Variants in ANKRD29 observed in about 807,000 individuals in gnomAD.
ANKRD29 encodes ankyrin repeat domain 29.
ANKRD29 carries 32 observed loss-of-function variants against 38.0 expected under a neutral mutation model. The ratio of observed to expected loss-of-function variants is 0.84; its 90% CI spans 0.64 to 1.13. ANKRD29 has a LOEUF of 1.13. ANKRD29 is among the 50% of genes most tolerant of loss of function. The pLI, the probability that ANKRD29 is intolerant of heterozygous loss-of-function variation, is 0.00. For synonymous variants in ANKRD29, 135 were observed against 152.4 expected (o/e 0.89, Z 0.84); for missense variants, 357 against 377.9 (o/e 0.94, Z 0.46).
intron 3 of ANKRD29, among the ~76,000 whole-genome samples, chr18:23,644,426 T>C (rs1252715323): frequency 6.6e-6 from 1 of 152,246 alleles, no homozygotes; most frequent in Non-Finnish European, 1.5e-5. Context: ...AATTTTAAAC[T>C]GTAATTCTAA....
chr18:23,658,048 T>TC lies in ANKRD29; in HGVS notation c.21+4661dup, dbSNP rs531972847. ...CCTGTCATTCCTTTCTTCCAATTTC[T>TC]CCCTTTTGGGGTGGAAACATGTATA... On this transcript the variant is annotated intron_variant, in intron 1 of 9. Coordinates refer to ENST00000592179, the MANE Select transcript of ANKRD29 (RefSeq NM_173505.4). 3.3e-4 allele frequency among the ~76,000 whole-genome samples: 50 copies of TC among 152,312 alleles called. No individual in the cohort carries two copies. In the South Asian group the frequency reaches 9.3e-3, roughly 28 times the overall value.
intron 6 of ANKRD29, among the ~76,000 whole-genome samples, chr18:23,622,020 G>C (rs2059802946): frequency 1.3e-5 from 2 of 152,022 alleles, no homozygotes; most frequent in Admixed American, 1.3e-4. Context: ...CTGGAGAAGA[G>C]ACATGGAGGT....
chr18:23,662,622 ATCC>A, intron 1 of ANKRD29, 85 bp downstream of exon 1: 1 of 65,714 alleles, frequency 1.5e-5, no homozygotes, highest in Non-Finnish European at 2.8e-5. Context: ...CGCCCACCCC[ATCC>A]CACCCCATCC....
chr18:23,630,381 G>A (rs890995155), intron 5 of ANKRD29, among the ~76,000 whole-genome samples: 2 of 152,146 alleles, frequency 1.3e-5, no homozygotes, highest in African/African-American at 2.4e-5. Context: ...AGCTGAGATC[G>A]CGCCACTTCA....
chr18:23,659,419 T>C (rs1033043969), intron 1 of ANKRD29, among the ~76,000 whole-genome samples: 27 of 152,242 alleles, frequency 1.8e-4, no homozygotes, highest in Non-Finnish European at 3.2e-4. Flanking sequence ...TTCCTAGTAG[T>C]GAAATTGCTG....
chr18:23,619,256 A>G, intron 7 of ANKRD29: 1 of 409,244 alleles, frequency 2.4e-6, no homozygotes, highest in Non-Finnish European at 4.4e-6. Flanking sequence ...CCCCCAGGAC[A>G]GGCGGGAGGC....
At chr18:23,656,267 T>TAC (rs2060282704) in intron 1 of ANKRD29, among the ~76,000 whole-genome samples, 1 of 151,914 alleles carries the variant, frequency 6.6e-6, no homozygotes, top group Admixed American at 6.6e-5. Context: ...AAAGGAGTCA[T>TAC]GTAGCTCAGA....
intron 2 of ANKRD29, 144 bp downstream of exon 2, chr18:23,648,939 C>T (rs539931287): frequency 8.7e-6 from 6 of 686,514 alleles, no homozygotes; most frequent in African/African-American, 1.8e-5. Flanking sequence ...CACCACAGTA[C>T]CTTGGATGTT....
chr18:23,604,520 C>T (rs548246352), intron 9 of ANKRD29, among the ~76,000 whole-genome samples: 76 of 152,124 alleles, frequency 5.0e-4, no homozygotes, highest in Middle Eastern at 3.4e-3. Context: ...GCCTGCTCAC[C>T]GCCCAACAGG....
intron 9 of ANKRD29, 25 bp from the exon 10 acceptor site, chr18:23,601,334 A>G (rs919774650): frequency 1.3e-6 from 2 of 1,597,072 alleles, no homozygotes; most frequent in African/African-American, 2.7e-5. Flanking sequence ...GATGGGCATT[A>G]GTGAATCCCC....
chr18:23,608,138 T>G (rs543175537), intron 9 of ANKRD29, among the ~76,000 whole-genome samples: 1 of 152,238 alleles, frequency 6.6e-6, no homozygotes, highest in Non-Finnish European at 1.5e-5. Flanking sequence ...TATTCCCCAC[T>G]AAACTCTGAG....
chr18:23,607,220 A>C (rs1806571525), intron 9 of ANKRD29, among the ~76,000 whole-genome samples: 1 of 152,158 alleles, frequency 6.6e-6, no homozygotes, highest in Non-Finnish European at 1.5e-5. Context: ...TCACAGAGGA[A>C]ATTATTATGC....
intron 1 of ANKRD29, among the ~76,000 whole-genome samples, chr18:23,651,517 G>T (rs1358430919): frequency 6.6e-6 from 1 of 152,202 alleles, no homozygotes; most frequent in Non-Finnish European, 1.5e-5. Context: ...GTCTGGTAGG[G>T]TGAATCAGGC....
rs555320990 is a variant in ANKRD29 at position 23,638,940 on chromosome 18, G to A, written c.239C>T (p.Thr80Ile). 7.5e-6 allele frequency: 12 copies of A among 1,605,892 alleles called. No homozygotes were observed. In the South Asian group the frequency reaches 1.3e-4, roughly 18 times the overall value. Residue 80 changes from threonine (T) to isoleucine (I), a missense_variant, in exon 4 of 10, where the codon ACA (threonine) becomes ATA (isoleucine). Transcript: ENST00000592179. ...CTGGGCGGCAAAGAATAGGGCAGTTGTACCTGACTGGGAGAGAGGGAGAGG... is the reference window on the plus strand; with the variant it reads ...CTGGGCGGCAAAGAATAGGGCAGTTATACCTGACTGGGAGAGAGGGAGAGG... ...ADINLQRESG[T>I]TALFFAAQQG...
intron 6 of ANKRD29, among the ~76,000 whole-genome samples, chr18:23,623,563 T>C (rs894192573): frequency 6.6e-6 from 1 of 151,678 alleles, no homozygotes; most frequent in African/African-American, 2.4e-5. Flanking sequence ...GGCGGGAGGA[T>C]GGCTTGAGCC....
chr18:23,650,787 T>G lies in ANKRD29; in HGVS notation c.22-1594A>C, dbSNP rs112787601. Among the ~76,000 whole-genome samples the G allele has an allele frequency of 6.3e-3, 961 of 152,320 alleles. 14 individuals carry two copies. Among genetic ancestry groups the G allele is most frequent in the African/African-American group, 0.022 (927 of 41,570 alleles). ...CAACACACCATAAATGCTGATTAAG[T>G]GCCAGTTTCCTTTCCTCTATTTACT... On this transcript the variant is annotated intron_variant, in intron 1 of 9. Coordinates refer to ENST00000592179, the MANE Select transcript of ANKRD29 (RefSeq NM_173505.4).
intron 3 of ANKRD29, among the ~76,000 whole-genome samples, chr18:23,640,901 A>AGCCTG (rs1203793548): frequency 1.3e-5 from 2 of 152,206 alleles, no homozygotes; most frequent in Non-Finnish European, 2.9e-5. Context: ...AGCTGAGGAC[A>AGCCTG]GCCTGGCCTA....
intron 9 of ANKRD29, among the ~76,000 whole-genome samples, chr18:23,610,229 G>A (rs1227420327): frequency 6.6e-6 from 1 of 152,206 alleles, no homozygotes; most frequent in East Asian, 1.9e-4. Context: ...TGTAATCCCA[G>A]CACTTTGGGA....
chr18:23,632,067 G>A (rs997909385), intron 5 of ANKRD29, among the ~76,000 whole-genome samples: 4 of 152,192 alleles, frequency 2.6e-5, no homozygotes, highest in Non-Finnish European at 5.9e-5. Context: ...GAGGGTCCTG[G>A]ATTTTCAGTG....
Sources: allele counts gnomAD v4.1 joint callset (sites outside exome capture counted in the v4.1 genomes callset), GRCh38; gene constraint gnomAD v4.1.1; transcripts MANE v1.5; gene names NCBI Gene and HGNC (gene_info 2026-07-23, HGNC 2026-07-21).